Variants in POU6F2 observed in about 807,000 individuals in gnomAD.
The protein encoded by POU6F2 is POU class 6 homeobox 2, also known as POU domain, class 6, transcription factor 2.
A neutral mutation model predicts 71.3 loss-of-function variants in POU6F2; 31 were observed. The observed-to-expected ratio is 0.43, with a 90% CI of 0.33 to 0.59. The LOEUF is 0.59. POU6F2 is among the 20% of genes least tolerant of loss of function. The pLI, the probability that POU6F2 is intolerant of heterozygous loss-of-function variation, is 0.04. For synonymous variants in POU6F2, 347 were observed against 355.7 expected, an observed-to-expected ratio of 0.98 and a Z score of 0.27; for missense variants, 783 against 856.8, an observed-to-expected ratio of 0.91 and a Z score of 1.07.
At chr7:39,354,054 T>C (rs1441306312) in intron 5 of POU6F2, among the ~76,000 whole-genome samples, 1 of 152,216 alleles carries the variant, frequency 6.6e-6, no homozygotes, top group East Asian at 1.9e-4. Context: ...AGGAGGCTGA[T>C]TCCATTCATT....
intron 1 of POU6F2, among the ~76,000 whole-genome samples, chr7:39,000,191 G>C (rs1030226783): frequency 3.3e-5 from 5 of 152,124 alleles, no homozygotes; most frequent in African/African-American, 9.7e-5. Flanking sequence ...AGCATGTTTG[G>C]GGGGACATTG....
intron 6 of POU6F2, among the ~76,000 whole-genome samples, chr7:39,431,735 T>G (rs1392254606): frequency 6.6e-6 from 1 of 152,248 alleles, no homozygotes; most frequent in Non-Finnish European, 1.5e-5. Context: ...TTGGCCTCCC[T>G]GTGCCCCTGT....
chr7:38,981,253 C>G (rs1286745214), intron 1 of POU6F2, among the ~76,000 whole-genome samples: 1 of 152,118 alleles, frequency 6.6e-6, no homozygotes, highest in South Asian at 2.1e-4. Context: ...TCTCTTATGG[C>G]CATGTTTAGT....
At position 39,176,690 on chromosome 7, in the gene POU6F2, G is replaced by T. The variant is rs1196374642; in HGVS notation, c.278-27545G>T. ...TATAGAACCAAAGAAAGGTCAAAAA[G>T]AAAATGCATGCATACAAACACATAC... On this transcript the variant is annotated intron_variant, in intron 2 of 9. Coordinates refer to ENST00000518318, the MANE Select transcript of POU6F2 (RefSeq NM_001370959.1). 2.6e-5 allele frequency among the ~76,000 whole-genome samples: 4 copies of T among 152,100 alleles called. No individual in the cohort carries two copies. In the East Asian group the frequency reaches 7.7e-4, roughly 29 times the overall value.
chr7:39,206,391 G>T (rs2128745721), intron 3 of POU6F2, among the ~76,000 whole-genome samples: 1 of 152,274 alleles, frequency 6.6e-6, no homozygotes, highest in Admixed American at 6.5e-5. Context: ...CATCCATAGT[G>T]GATGTAAACA....
At chr7:39,079,775 G>A (rs943705907) in intron 1 of POU6F2, among the ~76,000 whole-genome samples, 4 of 152,170 alleles carry the variant, frequency 2.6e-5, no homozygotes, top group Non-Finnish European at 4.4e-5. Context: ...GTTGAGTTGA[G>A]GAAGGAAGTG....
At chr7:39,056,068 G>T (rs1247823260) in intron 1 of POU6F2, among the ~76,000 whole-genome samples, 1 of 150,544 alleles carries the variant, frequency 6.6e-6, no homozygotes, top group Non-Finnish European at 1.5e-5. Context: ...TAACTGGATT[G>T]ATTTTCCTCA....
At chr7:39,369,573 G>T (rs113625897) in intron 5 of POU6F2, among the ~76,000 whole-genome samples, 1 of 151,666 alleles carries the variant, frequency 6.6e-6, no homozygotes. Flanking sequence ...CATGTTGGCC[G>T]GGCTGGTCTT....
intron 8 of POU6F2, among the ~76,000 whole-genome samples, chr7:39,459,043 T>C (rs538018930): frequency 2.2e-4 from 33 of 152,320 alleles, no homozygotes; most frequent in Admixed American, 3.3e-4. Flanking sequence ...TCTAATGCAT[T>C]AGCATTGGAT....
chr7:39,016,635 G>GT (rs1245250743), intron 1 of POU6F2, among the ~76,000 whole-genome samples: 1 of 152,090 alleles, frequency 6.6e-6, no homozygotes, highest in Admixed American at 6.6e-5. Context: ...TGAAACAGTA[G>GT]TAAGTGTTAC....
intron 2 of POU6F2, among the ~76,000 whole-genome samples, chr7:39,193,480 T>C (rs750997973): frequency 4.6e-5 from 7 of 152,234 alleles, no homozygotes; most frequent in Admixed American, 1.3e-4. Flanking sequence ...TTGCATTTTA[T>C]GTATAATGTA....
intron 1 of POU6F2, among the ~76,000 whole-genome samples, chr7:39,053,955 T>TAGCC (rs1373186738): frequency 1.3e-5 from 2 of 151,820 alleles, no homozygotes; most frequent in African/African-American, 2.4e-5. Context: ...ATACAAAAAT[T>TAGCC]AGCCAGGCGT....
rs1790573437 is a variant in POU6F2, at chr7:39,058,131, T to A, written c.106-27729T>A. Reference sequence around the variant, plus strand: ...AAAGCTAGAAACAGCATCTAATTCCTCCCCCCTTGTTTAAATGTACTATCT... The same window carrying A: ...AAAGCTAGAAACAGCATCTAATTCCACCCCCCTTGTTTAAATGTACTATCT... On this transcript the variant is annotated intron_variant, in intron 1 of 9. Transcript: ENST00000518318. Among the ~76,000 whole-genome samples, 4 of 152,090 alleles carry A rather than the reference T, an allele frequency of 2.6e-5. No individual in the cohort carries two copies. The South Asian group carries it at 8.3e-4, about 32-fold the overall frequency.
intron 1 of POU6F2, among the ~76,000 whole-genome samples, chr7:39,000,836 G>A (rs764797560): frequency 3.3e-5 from 5 of 151,990 alleles, no homozygotes; most frequent in African/African-American, 4.8e-5. Flanking sequence ...TATCAATCAC[G>A]TGGCCTTTCC....
chr7:39,362,803 C>T (rs149073762), intron 5 of POU6F2, among the ~76,000 whole-genome samples: 14 of 152,072 alleles, frequency 9.2e-5, no homozygotes, highest in East Asian at 7.8e-4. Flanking sequence ...TAATCAGAGA[C>T]GACATCTCTC....
At chr7:39,434,569 G>C (rs557906697) in intron 7 of POU6F2, among the ~76,000 whole-genome samples, 1 of 151,952 alleles carries the variant, frequency 6.6e-6, no homozygotes, top group Non-Finnish European at 1.5e-5. Context: ...TGATGGTGAT[G>C]ATGATGGTGA....
intron 1 of POU6F2, among the ~76,000 whole-genome samples, chr7:39,073,359 G>A (rs1360063738): frequency 2.1e-5 from 3 of 140,778 alleles, no homozygotes; most frequent in Non-Finnish European, 4.5e-5. Context: ...ATAGCTGACG[G>A]AATGGGGAGA....
chr7:39,030,513 T>C (rs1179411769), intron 1 of POU6F2, among the ~76,000 whole-genome samples: 8 of 98,854 alleles, frequency 8.1e-5, no homozygotes, highest in Non-Finnish European at 1.4e-4. Flanking sequence ...TATATATATA[T>C]ATATATATAT....
At chr7:39,411,219 A>C (rs1482556178) in intron 6 of POU6F2, among the ~76,000 whole-genome samples, 1 of 152,146 alleles carries the variant, frequency 6.6e-6, no homozygotes, top group Non-Finnish European at 1.5e-5. Context: ...AGGAGGGAAA[A>C]TGTGAGTGTA....
Sources: allele counts gnomAD v4.1 joint callset (sites outside exome capture counted in the v4.1 genomes callset), GRCh38; gene constraint gnomAD v4.1.1; transcripts MANE v1.5; gene names NCBI Gene and HGNC (gene_info 2026-07-23, HGNC 2026-07-21).